Variants in VRK1 observed in about 807,000 individuals in gnomAD.
VRK1 encodes the protein serine/threonine-protein kinase VRK1.
Under a neutral mutation model 57.1 loss-of-function variants are expected in VRK1, and 33 were observed. The ratio of observed to expected loss-of-function variants is 0.58; its 90% CI spans 0.44 to 0.77. The LOEUF is 0.77. Among genes scored for constraint, VRK1 ranks in the 30% least tolerant of loss-of-function variants. VRK1 has a pLI of 0.00. For missense variants in VRK1, 413 were observed against 477.3 expected (o/e 0.87, Z 1.25); for synonymous variants, 137 against 147.8 (o/e 0.93, Z 0.53).
chr14:96,810,624 A>G (rs556794178), intron 1 of VRK1, among the ~76,000 whole-genome samples: 10 of 152,222 alleles, frequency 6.6e-5, no homozygotes, highest in Non-Finnish European at 1.2e-4. Context: ...ATTACCTTTA[A>G]TGAGCCTTCT....
At chr14:96,807,051 A>G (rs1330516219) in intron 1 of VRK1, among the ~76,000 whole-genome samples, 1 of 152,174 alleles carries the variant, frequency 6.6e-6, no homozygotes, top group Non-Finnish European at 1.5e-5. Context: ...CACTATCTCT[A>G]GGGCAGAATT....
At chr14:96,810,676 T>C (rs890881886) in intron 1 of VRK1, among the ~76,000 whole-genome samples, 6 of 152,198 alleles carry the variant, frequency 3.9e-5, no homozygotes, top group African/African-American at 1.4e-4. Context: ...CTCAGCTTCA[T>C]TTGTGAAATG....
At chr14:96,847,931 T>A (rs947732333) in intron 5 of VRK1, among the ~76,000 whole-genome samples, 24 of 152,212 alleles carry the variant, frequency 1.6e-4, no homozygotes, top group Non-Finnish European at 1.5e-5. Flanking sequence ...TTTGGGATAG[T>A]TTATTTGGAG....
At chr14:96,848,579 T>C (rs990422149) in intron 5 of VRK1, among the ~76,000 whole-genome samples, 1 of 152,194 alleles carries the variant, frequency 6.6e-6, no homozygotes, top group African/African-American at 2.4e-5. Flanking sequence ...TTTTATTTTA[T>C]ATGGTTTTGC....
chr14:96,855,337 C>T lies in VRK1; in HGVS notation c.690C>T (p.Ile230=), dbSNP rs747694940. Residue 230 remains isoleucine, a synonymous_variant, in exon 8 of 13, where the codon ATC becomes ATT. Coordinates refer to ENST00000216639, the MANE Select transcript of VRK1 (RefSeq NM_003384.3). ...CHDGTIEFTS[I]DAHNGVAPSR... ...ATGGCACTATTGAATTCACGAGCATCGATGCACACAATGGCGTGGGTATGT... is the reference window on the plus strand; with the variant it reads ...ATGGCACTATTGAATTCACGAGCATTGATGCACACAATGGCGTGGGTATGT... The T allele has an allele frequency of 2.2e-5, 35 of 1,613,868 alleles. No homozygotes were observed. In the South Asian group the frequency reaches 2.9e-4, roughly 13 times the overall value.
At position 96,836,242 on chromosome 14, in the gene VRK1, G is replaced by C. The variant is rs1887206484; in HGVS notation, c.161-1520G>C. Among the ~76,000 whole-genome samples the C allele has an allele frequency of 2.6e-5, 4 of 152,002 alleles. No individual in the cohort carries two copies. In the South Asian group the frequency reaches 8.3e-4, roughly 31 times the overall value. On this transcript the variant is annotated intron_variant, in intron 2 of 12. Transcript: ENST00000216639. ...AGACTATTGGTATAGCCTCTTAACTGATCTGCCTGCTTCTGCCCCTTGCCC... is the reference window on the plus strand; with the variant it reads ...AGACTATTGGTATAGCCTCTTAACTCATCTGCCTGCTTCTGCCCCTTGCCC...
At position 96,856,882 on chromosome 14, in the gene VRK1, C is replaced by T. The variant is rs541984673; in HGVS notation, c.889+296C>T. On this transcript the variant is annotated intron_variant, in intron 10 of 12. Coordinates refer to ENST00000216639, the MANE Select transcript of VRK1 (RefSeq NM_003384.3). ...ACTTGGAAGGCTGAGGCAGGAGAATCGCTTGAACCCGGGAGGCGGAGGTTG... is the reference window on the plus strand; with the variant it reads ...ACTTGGAAGGCTGAGGCAGGAGAATTGCTTGAACCCGGGAGGCGGAGGTTG... Among the ~76,000 whole-genome samples the T allele has an allele frequency of 9.2e-5, 14 of 152,204 alleles. No homozygotes were observed. In the South Asian group the frequency reaches 1.0e-3, roughly 11 times the overall value.
intron 1 of VRK1, among the ~76,000 whole-genome samples, chr14:96,807,989 C>G (rs1055272931): frequency 1.8e-5 from 1 of 57,024 alleles, no homozygotes; most frequent in Non-Finnish European, 4.2e-5. Flanking sequence ...CTCTCTCCCT[C>G]TCTCCCTCTC....
In VRK1 at chr14:96,856,260, A is replaced by G. The variant is rs544437757; in HGVS notation, c.830+10A>G. The G allele has an allele frequency of 1.9e-6, 3 of 1,612,282 alleles. No individual in the cohort carries two copies. The African/African-American group carries it at 4.0e-5, about 21-fold the overall frequency. Reference sequence around the variant, plus strand: ...GAGATTCCAAAATTAGGTAAAGGAAAACTTAAGTTATTTCTAGCAAAATCA... The same window carrying G: ...GAGATTCCAAAATTAGGTAAAGGAAGACTTAAGTTATTTCTAGCAAAATCA... On this transcript the variant is annotated intron_variant, in intron 9 of 12. Coordinates refer to ENST00000216639, the MANE Select transcript of VRK1 (RefSeq NM_003384.3).
intron 1 of VRK1, among the ~76,000 whole-genome samples, chr14:96,803,210 C>T (rs1409179396): frequency 6.9e-6 from 1 of 145,538 alleles, no homozygotes; most frequent in Non-Finnish European, 1.5e-5. Flanking sequence ...CTTATCTTGT[C>T]CCCCAGGCTG....
chr14:96,858,461 T>C (rs965964820), intron 10 of VRK1, among the ~76,000 whole-genome samples: 1 of 152,222 alleles, frequency 6.6e-6, no homozygotes, highest in Admixed American at 6.5e-5. Flanking sequence ...TGTAGTTACA[T>C]ACCATTATGT....
At chr14:96,860,412 C>CTT in intron 10 of VRK1, 145 bp from the exon 11 acceptor site, 2 of 731,168 alleles carry the variant, frequency 2.7e-6, no homozygotes, top group Non-Finnish European at 4.3e-6. Flanking sequence ...CAAAAGCATA[C>CTT]TTTTCATTGA....
chr14:96,839,320 A>AC (rs1887359290), intron 3 of VRK1, among the ~76,000 whole-genome samples: 4 of 152,128 alleles, frequency 2.6e-5, no homozygotes, highest in Non-Finnish European at 5.9e-5. Context: ...ACATTCTTGT[A>AC]CAAGTGTTTT....
chr14:96,820,217 T>C (rs1162274793), intron 1 of VRK1, among the ~76,000 whole-genome samples: 1 of 152,142 alleles, frequency 6.6e-6, no homozygotes, highest in Non-Finnish European at 1.5e-5. Context: ...AGATGACACT[T>C]GAAAATGATG....
At chr14:96,830,017 T>C (rs1382965018) in intron 1 of VRK1, among the ~76,000 whole-genome samples, 2 of 151,774 alleles carry the variant, frequency 1.3e-5, no homozygotes, top group African/African-American at 4.8e-5. Context: ...CTTTGGTTCA[T>C]GTTTCCTTTC....
chr14:96,822,402 A>C (rs1886638514), intron 1 of VRK1, among the ~76,000 whole-genome samples: 1 of 152,148 alleles, frequency 6.6e-6, no homozygotes, highest in Non-Finnish European at 1.5e-5. Flanking sequence ...CTTGTCAAAA[A>C]GTTGCAGACC....
chr14:96,853,781 A>G (rs958263316), intron 7 of VRK1, among the ~76,000 whole-genome samples: 1 of 152,094 alleles, frequency 6.6e-6, no homozygotes, highest in African/African-American at 2.4e-5. Context: ...TTCCTGTATA[A>G]CTGTTTCTGT....
chr14:96,813,513 A>C (rs1424832996), intron 1 of VRK1, among the ~76,000 whole-genome samples: 2 of 151,528 alleles, frequency 1.3e-5, no homozygotes, highest in Non-Finnish European at 2.9e-5. Context: ...TTTTCAGCTG[A>C]ATTTGTGTTA....
intron 1 of VRK1, 114 bp from the exon 2 acceptor site, chr14:96,833,353 T>C (rs961011461): frequency 5.0e-6 from 6 of 1,211,330 alleles, no homozygotes; most frequent in Non-Finnish European, 7.0e-6. Context: ...CCTTTAAGTT[T>C]TGGAGTAAGT....
Sources: allele counts gnomAD v4.1 joint callset (sites outside exome capture counted in the v4.1 genomes callset), GRCh38; gene constraint gnomAD v4.1.1; transcripts MANE v1.5; gene names NCBI Gene and HGNC (gene_info 2026-07-23, HGNC 2026-07-21).